Variants in CCDC78 observed in about 807,000 individuals in gnomAD.
The protein encoded by CCDC78 is coiled-coil domain containing 78.
Under a neutral mutation model 61.9 loss-of-function variants are expected in CCDC78, and 78 were observed. The observed-to-expected ratio is 1.26, with a 90% CI of 1.05 to 1.52. CCDC78 has a LOEUF of 1.52. CCDC78 is among the 40% of genes most tolerant of loss of function. CCDC78 has a pLI of 0.00. For missense variants in CCDC78, 737 were observed against 615.5 expected, an observed-to-expected ratio of 1.20 and a Z score of -2.09; for synonymous variants, 287 against 251.9, an observed-to-expected ratio of 1.14 and a Z score of -1.32.
intron 11 of CCDC78, 157 bp from the exon 12 acceptor site, chr16:723,318 C>T: frequency 2.4e-6 from 2 of 829,580 alleles, no homozygotes; most frequent in Non-Finnish European, 4.0e-6. Context: ...GTGGCGCCCC[C>T]CCCAGGCCTT....
In CCDC78 at chr16:726,234, G is replaced by C. The variant is rs543663563; in HGVS notation, c.60+74C>G. On this transcript the variant is annotated intron_variant, in intron 1 of 13. Coordinates refer to ENST00000345165, the MANE Select transcript of CCDC78 (RefSeq NM_001378030.1). ...AATTAGGCCCAGGGTGCAGGAACCT[G>C]CACCCTCCTGGCCTTTGGGGGAACG... 242 of 1,550,128 alleles carry C rather than the reference G, an allele frequency of 1.6e-4. 2 individuals carry two copies. The South Asian group carries it at 2.6e-3, about 17-fold the overall frequency.
Position 725,881 on chromosome 16 carries a change from C to A in CCDC78, c.181-1G>T. ...GAATGTCGACCAGCTCCTTGGAGAT[C>A]TGTGGGTGGCCAGGTGAGAGGTGGC... is the stretch of plus-strand genomic sequence containing the variant. On this transcript the variant is annotated splice_acceptor_variant, in intron 2 of 13. Transcript: ENST00000345165. LOFTEE classifies it high-confidence loss of function. 1 of 1,609,076 alleles carries A rather than the reference C, an allele frequency of 6.2e-7. No individual in the cohort carries two copies. The highest frequency in any genetic ancestry group is 8.5e-7 in the Non-Finnish European group (1 of 1,177,676).
chr16:725,877 A>G lies in CCDC78; in HGVS notation c.184T>C (p.Ser62Pro), dbSNP rs758692870. 1.2e-6 allele frequency: 2 copies of G among 1,609,756 alleles called. No individual in the cohort carries two copies. Among genetic ancestry groups the G allele is most frequent in the Middle Eastern group, 3.3e-4 (2 of 6,054 alleles). ...ATCTGAATGTCGACCAGCTCCTTGG[A>G]GATCTGTGGGTGGCCAGGTGAGAGG... is the stretch of plus-strand genomic sequence containing the variant. ...ALNKEQQLQI[S>P]KELVDIQITT... Residue 62 changes from serine to proline, a missense_variant, in exon 3 of 14, where the codon TCC (serine) becomes CCC (proline). Transcript: ENST00000345165.
In CCDC78 at chr16:723,040, G is replaced by A. The variant is rs757197569; in HGVS notation, c.1201-18C>T. The A allele has an allele frequency of 1.9e-6, 3 of 1,612,570 alleles. No individual in the cohort carries two copies. The highest frequency in any genetic ancestry group is 1.1e-5 in the South Asian group (1 of 91,090). ...AGCTCTGCCTGGCATGGGGATGTAA[G>A]CCATGAGCTGGGGCATGGCGTGAGG... On this transcript the variant is annotated intron_variant, in intron 12 of 13. Coordinates refer to ENST00000345165, the MANE Select transcript of CCDC78 (RefSeq NM_001378030.1).
Position 724,302 on chromosome 16 carries a change from C to G in CCDC78, c.953+20G>C. On this transcript the variant is annotated intron_variant, in intron 9 of 13. Coordinates refer to ENST00000345165, the MANE Select transcript of CCDC78 (RefSeq NM_001378030.1). ...AGAGACCCACAGATGCCTGACACCT[C>G]CCATCCCAGCGGGGCCCACCTGTAG... The G allele has an allele frequency of 6.2e-7, 1 of 1,605,786 alleles. No homozygotes were observed. The highest frequency in any genetic ancestry group is 8.5e-7 in the Non-Finnish European group (1 of 1,174,882).
In CCDC78 at chr16:724,123, T is replaced by C. The variant is rs1378836403; in HGVS notation, c.1036A>G (p.Ser346Gly). The change falls in exon 10 of 14, where the codon AGC becomes GGC. Residue 346 changes from serine (S) to glycine (G), a missense_variant. By Grantham distance (56) the Ser-to-Gly change is moderately conservative (BLOSUM62 0). Coordinates refer to ENST00000345165, the MANE Select transcript of CCDC78 (RefSeq NM_001378030.1). ...AGCCTCACCTGGTCCTCCCGATGGCTGAAGTCAGTGACCAGGGGCACGGGC... is the reference window on the plus strand; with the variant it reads ...AGCCTCACCTGGTCCTCCCGATGGCCGAAGTCAGTGACCAGGGGCACGGGC... ...PLPVPLVTDF[S>G]HREDQHGGPG... 5 of 1,598,890 alleles carry C rather than the reference T, an allele frequency of 3.1e-6. No individual in the cohort carries two copies. The highest frequency in any genetic ancestry group is 3.4e-6 in the Non-Finnish European group (4 of 1,172,910).
At chr16:724,541 C>A in intron 8 of CCDC78, 32 bp from the exon 9 acceptor site, 1 of 1,575,888 alleles carries the variant, frequency 6.3e-7, no homozygotes, top group Non-Finnish European at 8.6e-7. Flanking sequence ...CGCATGGGGC[C>A]CACCCCCCAT....
intron 11 of CCDC78, 60 bp from the exon 12 acceptor site, chr16:723,221 G>C: frequency 6.4e-7 from 1 of 1,564,052 alleles, no homozygotes; most frequent in Non-Finnish European, 8.8e-7. Context: ...CACAGGGACA[G>C]ACGTGACCGT....
In CCDC78 at chr16:723,875, C is replaced by T. The variant is rs1238586987; in HGVS notation, c.1115G>A (p.Gly372Glu). Residue 372 changes from glycine to glutamate, a missense_variant, in exon 11 of 14, where the codon GGG becomes GAG. By Grantham distance (98) the Gly-to-Glu change is moderately conservative. Coordinates refer to ENST00000345165, the MANE Select transcript of CCDC78 (RefSeq NM_001378030.1). ...CACTCACTGTGGCTCTGATGTTCCCCCCTGGGAGGCTCCACCGGGTCTCTT... is the reference window on the plus strand; with the variant it reads ...CACTCACTGTGGCTCTGATGTTCCCTCCTGGGAGGCTCCACCGGGTCTCTT... ...PKKRPGGASQ[G>E]GTSEPQGLDA... The T allele has an allele frequency of 1.3e-6, 2 of 1,595,028 alleles. No individual in the cohort carries two copies. The highest frequency in any genetic ancestry group is 2.3e-5 in the East Asian group (1 of 43,966).
rs151206197 is a variant in CCDC78, at chr16:725,540, C to T, written c.308G>A (p.Arg103Gln). ...LESRVLELEL[R>Q]GDGTSQGCAV... is the part of the protein sequence containing the mutation. ...ACAGCCCTGGCTGGTGCCATCTCCT[C>T]GCAGCTCCAGCTCCAGTACCCGGCT... Residue 103 changes from arginine (R) to glutamine (Q), a missense_variant, in exon 4 of 14, where the codon CGA (arginine) becomes CAA (glutamine). Coordinates refer to ENST00000345165, the MANE Select transcript of CCDC78 (RefSeq NM_001378030.1). 1.5e-4 allele frequency: 236 copies of T among 1,611,762 alleles called. No individual in the cohort carries two copies. In the African/African-American group the frequency reaches 2.6e-3, roughly 18 times the overall value.
At position 726,312 on chromosome 16, in the gene CCDC78, T is replaced by G; in HGVS notation, c.56A>C (p.Glu19Ala). Reference protein sequence around the residue: ...PRPGPPSRRVENVVLRAKDWL... With the variant: ...PRPGPPSRRVANVVLRAKDWL... Reference sequence around the variant, plus strand: ...GGCAAGTCCCAGAGGACTCACATTCTCCACCCGCCGAGAGGGAGGTCCAGG... The same window carrying G: ...GGCAAGTCCCAGAGGACTCACATTCGCCACCCGCCGAGAGGGAGGTCCAGG... The change falls in exon 1 of 14, where the codon GAG (glutamate) becomes GCG (alanine). Residue 19 changes from glutamate (E) to alanine (A), a missense_variant. Glu to Ala is a moderately radical substitution (Grantham distance 107, BLOSUM62 -1). Transcript: ENST00000345165. The G allele has an allele frequency of 1.3e-6, 2 of 1,545,810 alleles. No homozygotes were observed. Among genetic ancestry groups the G allele is most frequent in the Admixed American group, 2.0e-5 (1 of 50,238 alleles).
intron 8 of CCDC78, 85 bp from the exon 9 acceptor site, chr16:724,594 G>A (rs751160160): frequency 9.0e-6 from 14 of 1,560,240 alleles, no homozygotes; most frequent in African/African-American, 5.4e-5. Context: ...GAGCAGTGCC[G>A]GGGCCCTGGG....
chr16:725,195 T>A (rs2040750966), intron 5 of CCDC78, 42 bp downstream of exon 5: 1 of 1,611,484 alleles, frequency 6.2e-7, no homozygotes, highest in Non-Finnish European at 8.5e-7. Flanking sequence ...TTGGGGTCTC[T>A]GGTGCTGCCC....
rs771325252 is a variant in CCDC78, at chr16:724,219, C to T, written c.954-14G>A. 1.3e-6 allele frequency: 2 copies of T among 1,588,694 alleles called. No individual in the cohort carries two copies. The highest frequency in any genetic ancestry group is 1.7e-5 in the Admixed American group (1 of 58,134). ...TTCCCAGGTGCCCTGTCAGGGTAGG[C>T]TAGTGTCTGTCTGGGGCCACTCCTG... On this transcript the variant is annotated splice_polypyrimidine_tract_variant and intron_variant, in intron 9 of 13. Transcript: ENST00000345165.
At chr16:724,572 C>T (rs960505485) in intron 8 of CCDC78, 63 bp from the exon 9 acceptor site, 3 of 1,557,952 alleles carry the variant, frequency 1.9e-6, no homozygotes, top group Middle Eastern at 1.7e-4. Context: ...CATCCCCCCA[C>T]CCCAGCAGGC....
In CCDC78 at chr16:722,663, T is replaced by C; in HGVS notation, c.*15A>G. The C allele has an allele frequency of 6.2e-7, 1 of 1,603,432 alleles. No individual in the cohort carries two copies. The highest frequency in any genetic ancestry group is 8.5e-7 in the Non-Finnish European group (1 of 1,179,638). The stretch of plus-strand genomic sequence containing the variant: ...GCTGAGGAGCTCTGCTCTGCTCTGC[T>C]CCTTGGGAGACGGCCTAGTGGCTGC... On this transcript the variant is annotated 3_prime_UTR_variant, in exon 14 of 14. Transcript: ENST00000345165.
intron 3 of CCDC78, 23 bp from the exon 4 acceptor site, chr16:725,603 A>G (rs1422078244): frequency 6.2e-7 from 1 of 1,600,016 alleles, no homozygotes; most frequent in East Asian, 2.2e-5. Flanking sequence ...TGGCATGAGC[A>G]GGTGCACCTG....
rs201824741 is a variant in CCDC78 at position 725,290 on chromosome 16, G to A, written c.439C>T (p.Gln147Ter). 3.1e-6 allele frequency: 5 copies of A among 1,607,726 alleles called. No individual in the cohort carries two copies. The Admixed American group carries it at 6.7e-5, about 21-fold the overall frequency. ...TCGGGGTTCATGGTGTTCTTGGGCT[G>A]CACCTGAATGGAAGGGAGGGCAGGG... ...GHSDDHRFQV[Q>*]PKNTMNPENE... The change falls in exon 5 of 14, where the codon CAG becomes TAG. Residue 147 changes from glutamine to a stop codon, truncating the protein, a stop_gained. Coordinates refer to ENST00000345165, the MANE Select transcript of CCDC78 (RefSeq NM_001378030.1). LOFTEE classifies it high-confidence loss of function.
chr16:725,333 G>A, intron 4 of CCDC78, 40 bp from the exon 5 acceptor site: 2 of 1,610,856 alleles, frequency 1.2e-6, no homozygotes, highest in South Asian at 2.2e-5. Flanking sequence ...AGGGGTGGGT[G>A]AGCCCCAGTT....
Sources: gnomAD v4.1 joint callset for allele counts on GRCh38, gnomAD v4.1.1 for gene constraint, MANE v1.5 for transcripts, NCBI Gene and HGNC (gene_info 2026-07-23, HGNC 2026-07-21) for gene names.